IGBP1C: variants seen among roughly 807,000 people sequenced by gnomAD.
IGBP1C encodes the protein IGBP1 family member C.
chr17:58,662,080 A>G, the IGBP1C span, among the ~76,000 whole-genome samples: 2 of 151,786 alleles, frequency 1.3e-5, no homozygotes, highest in Non-Finnish European at 2.9e-5. Context: ...GTATGTCTAT[A>G]TCTGTGTATG....
the IGBP1C span, chr17:58,661,278 G>A: frequency 2.5e-6 from 2 of 806,352 alleles, no homozygotes; most frequent in East Asian, 2.4e-5. Flanking sequence ...AAGTGTTCGC[G>A]AGCCTGCTGC....
At chr17:58,677,119 CAAAAAAAAAAA>C in the IGBP1C span, among the ~76,000 whole-genome samples, 1 of 78,628 alleles carries the variant, frequency 1.3e-5, no homozygotes, top group Admixed American at 1.6e-4. Context: ...AACTCCGTCT[CAAAAAAAAAAA>C]AAAAAAAAAA....
At chr17:58,686,861 CTTTTTTTTTTTTT>C in the IGBP1C span, among the ~76,000 whole-genome samples, 84 of 71,536 alleles carry the variant, frequency 1.2e-3, no homozygotes, top group African/African-American at 4.6e-3. Flanking sequence ...GAAAGGTCAC[CTTTTTTTTTTTTT>C]TTTTTTTTTT....
the IGBP1C span, chr17:58,666,668 ATCACAGTATT>A: frequency 6.6e-6 from 1 of 152,096 alleles, no homozygotes; most frequent in Non-Finnish European, 1.5e-5. Context: ...CACCTCCATA[ATCACAGTATT>A]TCTCCTGACA....
the IGBP1C span, among the ~76,000 whole-genome samples, chr17:58,664,199 T>C: frequency 6.6e-6 from 1 of 152,358 alleles, no homozygotes; most frequent in African/African-American, 2.4e-5. Context: ...TTCCTAATTT[T>C]ATTCCAGAAG....
chr17:58,691,927 T>C, the IGBP1C span: 1 of 152,114 alleles, frequency 6.6e-6, no homozygotes, highest in Non-Finnish European at 1.5e-5. Flanking sequence ...AATGGGGACA[T>C]TAGTTGCTTA....
At chr17:58,682,649 T>C in the IGBP1C span, among the ~76,000 whole-genome samples, 43 of 151,308 alleles carry the variant, frequency 2.8e-4, no homozygotes, top group African/African-American at 1.0e-3. Context: ...GCTGGGATTA[T>C]AGGCGTGAGC....
At chr17:58,690,260 G>A in the IGBP1C span, among the ~76,000 whole-genome samples, 4 of 151,768 alleles carry the variant, frequency 2.6e-5, no homozygotes, top group Admixed American at 6.6e-5. Flanking sequence ...TCAACCTCCC[G>A]GGCTCAATTG....
At chr17:58,676,107 T>A in the IGBP1C span, among the ~76,000 whole-genome samples, 5 of 152,084 alleles carry the variant, frequency 3.3e-5, no homozygotes, top group Non-Finnish European at 7.4e-5. Flanking sequence ...CAGGTGCAGT[T>A]GCTCACGCCT....
chr17:58,681,718 C>G, the IGBP1C span, among the ~76,000 whole-genome samples: 3 of 151,926 alleles, frequency 2.0e-5, no homozygotes, highest in Non-Finnish European at 2.9e-5. Flanking sequence ...TGGTGTGCAT[C>G]TGTAATCCCA....
the IGBP1C span, chr17:58,660,913 T>A: frequency 2.3e-6 from 2 of 854,570 alleles, no homozygotes; most frequent in South Asian, 1.3e-5. Context: ...TAGAAGTGGA[T>A]GCCTCTCTTG....
chr17:58,665,761 T>C, the IGBP1C span, among the ~76,000 whole-genome samples: 1 of 147,832 alleles, frequency 6.8e-6, no homozygotes, highest in Non-Finnish European at 1.5e-5. Flanking sequence ...AAAAAAAAAA[T>C]AAGGCTGGGC....
the IGBP1C span, among the ~76,000 whole-genome samples, chr17:58,686,787 G>A: frequency 6.7e-6 from 1 of 150,302 alleles, no homozygotes; most frequent in African/African-American, 2.4e-5. Context: ...TTTATTCAGA[G>A]GTTTTTCTCC....
the IGBP1C span, among the ~76,000 whole-genome samples, chr17:58,691,333 G>T: frequency 6.6e-6 from 1 of 151,974 alleles, no homozygotes; most frequent in Non-Finnish European, 1.5e-5. Context: ...GCAATATTTA[G>T]AAAGTTCTTC....
the IGBP1C span, among the ~76,000 whole-genome samples, chr17:58,690,634 A>G: frequency 6.6e-6 from 1 of 152,170 alleles, no homozygotes; most frequent in African/African-American, 2.4e-5. Flanking sequence ...AATCTCCCTG[A>G]AGATAGTATT....
At chr17:58,685,103 AC>A in the IGBP1C span, among the ~76,000 whole-genome samples, 450 of 152,326 alleles carry the variant, frequency 3.0e-3, 11 homozygotes, top group East Asian at 0.076. Context: ...TTTTGTATAG[AC>A]CTTCTAAACA....
the IGBP1C span, among the ~76,000 whole-genome samples, chr17:58,684,734 G>A: frequency 6.6e-6 from 1 of 151,970 alleles, no homozygotes; most frequent in Non-Finnish European, 1.5e-5. Context: ...AGATTAATAG[G>A]GAGGCAGAGG....
the IGBP1C span, among the ~76,000 whole-genome samples, chr17:58,663,636 T>C: frequency 6.6e-6 from 1 of 151,882 alleles, no homozygotes; most frequent in African/African-American, 2.4e-5. Flanking sequence ...CTGGCTAATT[T>C]TTTGTGTTTT....
chr17:58,663,805 C>T, the IGBP1C span, among the ~76,000 whole-genome samples: 1 of 152,142 alleles, frequency 6.6e-6, no homozygotes, highest in African/African-American at 2.4e-5. Flanking sequence ...TTGTGGGGAG[C>T]CAAATCCATT....
Sources: allele counts gnomAD v4.1 joint callset (sites outside exome capture counted in the v4.1 genomes callset), GRCh38; gene constraint gnomAD v4.1.1; transcripts MANE v1.5; gene names NCBI Gene and HGNC (gene_info 2026-07-23, HGNC 2026-07-21).